The following TPO variants were observed in gnomAD, a reference collection of about 807,000 sequenced individuals.
The protein encoded by TPO is thyroid peroxidase.
Under a neutral mutation model 96.9 loss-of-function variants are expected in TPO, and 78 were observed. That is an observed-to-expected ratio of 0.81 (90% confidence interval 0.67 to 0.97). The LOEUF is 0.97. TPO is among the 50% of genes least tolerant of loss of function. The pLI, the probability that TPO is intolerant of heterozygous loss-of-function variation, is 0.00. For synonymous variants in TPO, 547 were observed against 538.0 expected (o/e 1.02, Z -0.23); for missense variants, 1,252 against 1,274.8 (o/e 0.98, Z 0.27).
rs1290131350 is a variant in TPO at position 1,413,508 on chromosome 2, T to G, written c.-39T>G. On this transcript the variant is annotated 5_prime_UTR_variant, in exon 1 of 17. Transcript: ENST00000329066. ...TTCAGAAGAGTTACAGCCGTGAAAA[T>G]TACTCAGCAGTGCAGTTGGCTGAGA... 9.1e-6 allele frequency: 2 copies of G among 219,252 alleles called. No individual in the cohort carries two copies. Among genetic ancestry groups the G allele is most frequent in the African/African-American group, 4.7e-5 (2 of 42,508 alleles). 13.6% of individuals were successfully genotyped at this position (219,252 alleles called of 1,614,324 possible). A position where few individuals can be genotyped will look rare whatever the true frequency, so the allele number is the denominator to read the frequency against.
intron 8 of TPO, among the ~76,000 whole-genome samples, chr2:1,480,816 C>T (rs1252202399): frequency 6.7e-6 from 1 of 149,730 alleles, no homozygotes; most frequent in East Asian, 2.0e-4. Flanking sequence ...CATCCGTCCA[C>T]ACCACGTCCC....
chr2:1,455,690 G>A (rs1558306523), intron 6 of TPO, among the ~76,000 whole-genome samples: 1 of 152,220 alleles, frequency 6.6e-6, no homozygotes, highest in Admixed American at 6.5e-5. Flanking sequence ...AGGAGTACTC[G>A]CTTGTGGCTG....
chr2:1,459,275 C>G (rs1041791490), intron 7 of TPO, among the ~76,000 whole-genome samples: 1 of 152,054 alleles, frequency 6.6e-6, no homozygotes, highest in Admixed American at 6.6e-5. Context: ...CCTCAGCCTC[C>G]CTAGTAGCTG....
In TPO at chr2:1,453,569, G is replaced by T. The variant is rs923347520; in HGVS notation, c.483-125G>T. ...GGCCTTTCGGGTCTTCTGGGGAGCT[G>T]TGCCCCTTGGGCCTCCGGAGAGACC... is the stretch of plus-strand genomic sequence containing the variant. On this transcript the variant is annotated intron_variant, in intron 5 of 16. Coordinates refer to ENST00000329066, the MANE Select transcript of TPO (RefSeq NM_001206744.2). 4.0e-6 allele frequency: 6 copies of T among 1,482,188 alleles called. No individual in the cohort carries two copies. The African/African-American group carries it at 6.9e-5, about 17-fold the overall frequency. 91.8% of individuals were successfully genotyped at this position (1,482,188 alleles called of 1,614,324 possible). A position where few individuals can be genotyped will look rare whatever the true frequency, so the allele number is the denominator to read the frequency against.
intron 1 of TPO, among the ~76,000 whole-genome samples, chr2:1,385,177 T>G (rs368530836): frequency 1.1e-4 from 17 of 152,178 alleles, no homozygotes; most frequent in Admixed American, 9.2e-4. Context: ...TCTCTTTTTT[T>G]GTTGTGTCTC....
At chr2:1,477,052 C>T (rs778057735) in intron 7 of TPO, 34 bp from the exon 8 acceptor site, 2 of 1,590,712 alleles carry the variant, frequency 1.3e-6, no homozygotes, top group South Asian at 1.1e-5. Context: ...TGCACGGGGG[C>T]CCTGGGTGAC....
intron 8 of TPO, chr2:1,478,272 ACT>A (rs1670178511): frequency 1.0e-6 from 1 of 985,220 alleles, no homozygotes; most frequent in African/African-American, 1.7e-5. Flanking sequence ...GCGGTCCCTG[ACT>A]CTAGGGGTCT....
intron 3 of TPO, among the ~76,000 whole-genome samples, chr2:1,424,970 AT>A (rs1429041826): frequency 6.5e-5 from 4 of 61,430 alleles, no homozygotes; most frequent in Admixed American, 1.6e-4. Flanking sequence ...CTATAAAGTC[AT>A]TGTTCTAGAT....
intron 15 of TPO, among the ~76,000 whole-genome samples, chr2:1,520,292 T>C (rs1270293462): frequency 6.6e-6 from 1 of 152,204 alleles, no homozygotes. Flanking sequence ...CTGTGTCTTA[T>C]TCTTCAGCTT....
exon 1 of TPO, chr2:1,374,337 G>A (rs1030394609): frequency 1.3e-5 from 2 of 152,142 alleles, no homozygotes; most frequent in African/African-American, 2.4e-5. Context: ...TGAGACACCG[G>A]GCCCTTCACT....
intron 1 of TPO, among the ~76,000 whole-genome samples, chr2:1,374,830 G>T (rs1039329642): frequency 8.6e-5 from 13 of 150,878 alleles, no homozygotes; most frequent in African/African-American, 2.4e-4. Context: ...TGGTTCAGGC[G>T]ATTCTCCTGC....
At chr2:1,393,526 G>T (rs1662036218) in intron 1 of TPO, among the ~76,000 whole-genome samples, 1 of 152,196 alleles carries the variant, frequency 6.6e-6, no homozygotes, top group Non-Finnish European at 1.5e-5. Flanking sequence ...TGTGCCCAAG[G>T]ACACCCTGTG....
chr2:1,411,170 G>C (rs1044324167), upstream of TPO, among the ~76,000 whole-genome samples: 1 of 152,088 alleles, frequency 6.6e-6, no homozygotes, highest in Non-Finnish European at 1.5e-5. Context: ...AACATTTCCA[G>C]TGTAACAGCT....
At chr2:1,469,044 T>G (rs1480295140) in intron 7 of TPO, among the ~76,000 whole-genome samples, 2 of 152,238 alleles carry the variant, frequency 1.3e-5, no homozygotes, top group Admixed American at 6.5e-5. Flanking sequence ...GTGTCCAATG[T>G]TTCCTGAAGT....
rs908756067 is a variant in TPO, at chr2:1,516,618, C to T, written c.2519-265C>T. Among the ~76,000 whole-genome samples the T allele has an allele frequency of 2.0e-5, 3 of 152,208 alleles. No individual in the cohort carries two copies. In the East Asian group the frequency reaches 5.8e-4, roughly 29 times the overall value. On this transcript the variant is annotated intron_variant, in intron 14 of 16. Coordinates refer to ENST00000329066, the MANE Select transcript of TPO (RefSeq NM_001206744.2). ...TCTGTCCTGCAGGACGCGTCCATGC[C>T]GAACCCACAGTGAGGTTCCATAGAG...
chr2:1,436,212 G>T (rs751409529), intron 4 of TPO, 40 bp from the exon 5 acceptor site: 1 of 1,613,890 alleles, frequency 6.2e-7, no homozygotes, highest in Non-Finnish European at 8.5e-7. Context: ...GTGGATTTGT[G>T]GTTACAAGCA....
chr2:1,526,048 C>G (rs1362521929), intron 15 of TPO, among the ~76,000 whole-genome samples: 1 of 131,226 alleles, frequency 7.6e-6, no homozygotes, highest in Non-Finnish European at 1.6e-5. Context: ...TGCAACCTCC[C>G]CAAATCCCCC....
intron 1 of TPO, among the ~76,000 whole-genome samples, chr2:1,381,817 A>G (rs877153): frequency 0.058 from 8,805 of 152,182 alleles, 672 homozygotes; most frequent in East Asian, 0.3. Flanking sequence ...TGCGCCTCTA[A>G]GTGATGTGGA....
chr2:1,436,133 C>T lies in TPO; in HGVS notation c.350-119C>T, dbSNP rs1665545081. ...GCAGATTTTCTCAAAAACAGTGACC[C>T]CAGTTACATATGAATCCCAAATTCA... On this transcript the variant is annotated intron_variant, in intron 4 of 16. Coordinates refer to ENST00000329066, the MANE Select transcript of TPO (RefSeq NM_001206744.2). 2.7e-5 allele frequency: 40 copies of T among 1,504,954 alleles called. 1 individual carries two copies. The South Asian group carries it at 4.1e-4, about 15-fold the overall frequency. The allele number at this position is 1,504,954 out of a possible 1,614,324, so 93.2% of individuals were successfully genotyped here.
Sources: allele counts gnomAD v4.1 joint callset (sites outside exome capture counted in the v4.1 genomes callset), GRCh38; gene constraint gnomAD v4.1.1; transcripts MANE v1.5; gene names NCBI Gene and HGNC (gene_info 2026-07-23, HGNC 2026-07-21).